The following SMAD9 variants were observed in gnomAD, a reference collection of about 807,000 sequenced individuals.
SMAD9 encodes MAD homolog 9.
Under a neutral mutation model 46.1 loss-of-function variants are expected in SMAD9, and 36 were observed. The observed-to-expected ratio is 0.78, with a 90% CI of 0.60 to 1.03. The LOEUF (loss-of-function observed/expected upper bound fraction) is 1.03, where lower values mean the gene tolerates loss of function less well. Ranked by LOEUF, SMAD9 falls within the 50% of genes least tolerant of loss-of-function variation. The pLI is 0.00. For missense variants in SMAD9, 572 were observed against 599.8 expected (o/e 0.95, Z 0.48); for synonymous variants, 245 against 237.1 (o/e 1.03, Z -0.31).
intron 5 of SMAD9, among the ~76,000 whole-genome samples, chr13:36,857,685 C>T (rs2058140040): frequency 6.6e-6 from 1 of 152,036 alleles, no homozygotes; most frequent in Non-Finnish European, 1.5e-5. Flanking sequence ...ATCTCTGGAA[C>T]CTACTAACAG....
chr13:36,875,370 T>C (rs987623323), intron 2 of SMAD9, among the ~76,000 whole-genome samples: 1 of 152,030 alleles, frequency 6.6e-6, no homozygotes, highest in African/African-American at 2.4e-5. Flanking sequence ...CTAAGAAGGG[T>C]AAATAAAAGG....
chr13:36,915,755 C>G (rs139111870), intron 1 of SMAD9, among the ~76,000 whole-genome samples: 1 of 152,260 alleles, frequency 6.6e-6, no homozygotes, highest in East Asian at 1.9e-4. Flanking sequence ...GTGTTACAAC[C>G]GTGTGCACAC....
rs188497505 is a variant in SMAD9, at chr13:36,898,706, C to G, written c.-186-18831G>C. 1.8e-3 allele frequency among the ~76,000 whole-genome samples: 271 copies of G among 152,300 alleles called. 4 individuals carry two copies. Among genetic ancestry groups the G allele is most frequent in the Non-Finnish European group, 1.8e-3 (121 of 68,002 alleles). ...GCAGAAAAAAACATTTGACACTATT[C>G]AATACCCATTCATGAGTTTTAAAAA... On this transcript the variant is annotated intron_variant, in intron 1 of 6. Coordinates refer to ENST00000379826, the MANE Select transcript of SMAD9 (RefSeq NM_001127217.3).
At position 36,919,411 on chromosome 13, in the gene SMAD9, G is replaced by A. The variant is rs1033229763; in HGVS notation, c.-187+705C>T. Reference sequence around the variant, plus strand: ...AGGAAAAGACAAACACCCCGGCTCCGACACAGTCCAAGCGCGAGCCCGGAG... The same window carrying A: ...AGGAAAAGACAAACACCCCGGCTCCAACACAGTCCAAGCGCGAGCCCGGAG... On this transcript the variant is annotated intron_variant, in intron 1 of 6. Coordinates refer to ENST00000379826, the MANE Select transcript of SMAD9 (RefSeq NM_001127217.3). Among the ~76,000 whole-genome samples the A allele has an allele frequency of 3.9e-5, 6 of 152,156 alleles. No homozygotes were observed. The East Asian group carries it at 5.8e-4, about 15-fold the overall frequency.
chr13:36,909,120 G>T (rs1410834988), intron 1 of SMAD9, among the ~76,000 whole-genome samples: 1 of 152,132 alleles, frequency 6.6e-6, no homozygotes, highest in Non-Finnish European at 1.5e-5. Context: ...TTTCAACGGA[G>T]ATTTTGAATT....
intron 1 of SMAD9, among the ~76,000 whole-genome samples, chr13:36,895,242 G>T (rs372739977): frequency 6.6e-6 from 1 of 152,050 alleles, no homozygotes; most frequent in Non-Finnish European, 1.5e-5. Context: ...GCTGTGATGT[G>T]GATATACCTA....
In SMAD9 at chr13:36,846,872, C is replaced by G. The variant is rs2058041547; in HGVS notation, c.*1804G>C. The G allele has an allele frequency of 1.3e-5, 2 of 152,152 alleles. No individual in the cohort carries two copies. The highest frequency in any genetic ancestry group is 4.8e-5 in the African/African-American group (2 of 41,424). 9.4% of individuals were successfully genotyped at this position (152,152 alleles called of 1,614,324 possible). On this transcript the variant is annotated 3_prime_UTR_variant, in exon 7 of 7. Transcript: ENST00000379826. ...GTTCTGAAACATGAAGATGTCTGTA[C>G]AAACAGATTCACTATTAGGTTCTCG...
chr13:36,897,206 A>T (rs2058536136), intron 1 of SMAD9, among the ~76,000 whole-genome samples: 1 of 152,214 alleles, frequency 6.6e-6, no homozygotes, highest in East Asian at 1.9e-4. Flanking sequence ...ATCTCATCTG[A>T]CCATCACCCA....
chr13:36,912,246 T>C (rs1047621299), intron 1 of SMAD9, among the ~76,000 whole-genome samples: 1 of 152,222 alleles, frequency 6.6e-6, no homozygotes, highest in Non-Finnish European at 1.5e-5. Context: ...CCAAATTCCT[T>C]GCCCTTCCTT....
intron 1 of SMAD9, among the ~76,000 whole-genome samples, chr13:36,887,751 G>A (rs1205864281): frequency 6.6e-6 from 1 of 152,154 alleles, no homozygotes; most frequent in Non-Finnish European, 1.5e-5. Flanking sequence ...AGAGATGCAT[G>A]TGGCAAAAGA....
chr13:36,911,671 G>A (rs1021698530), intron 1 of SMAD9, among the ~76,000 whole-genome samples: 13 of 150,492 alleles, frequency 8.6e-5, no homozygotes, highest in Non-Finnish European at 1.9e-4. Flanking sequence ...CAAATAAGCC[G>A]TGTTATGAAC....
At chr13:36,900,342 G>A (rs529123302) in intron 1 of SMAD9, among the ~76,000 whole-genome samples, 29 of 152,058 alleles carry the variant, frequency 1.9e-4, no homozygotes, top group Admixed American at 6.5e-4. Context: ...GTGCCGTGGC[G>A]TGATCTCTGC....
At chr13:36,895,794 G>C (rs1462552371) in intron 1 of SMAD9, among the ~76,000 whole-genome samples, 2 of 152,116 alleles carry the variant, frequency 1.3e-5, no homozygotes, top group Non-Finnish European at 1.5e-5. Context: ...ACCCAGTGAA[G>C]TTACTCAGGT....
At chr13:36,895,139 C>T (rs374897943) in intron 1 of SMAD9, among the ~76,000 whole-genome samples, 1 of 152,166 alleles carries the variant, frequency 6.6e-6, no homozygotes, top group Non-Finnish European at 1.5e-5. Flanking sequence ...CTCAAATCTA[C>T]ATCTTCCTCA....
Position 36,879,781 on chromosome 13 carries a change from G to A in SMAD9, c.-92C>T. ...AGTAGCTCTCCAGGGGTGGCATAGG[G>A]ACCAACCCGCCCGTTCTTCTGGGAG... On this transcript the variant is annotated 5_prime_UTR_variant, in exon 2 of 7. Coordinates refer to ENST00000379826, the MANE Select transcript of SMAD9 (RefSeq NM_001127217.3). The A allele has an allele frequency of 3.6e-5, 50 of 1,407,744 alleles. No homozygotes were observed. Among genetic ancestry groups the A allele is most frequent in the Non-Finnish European group, 5.0e-5 (50 of 1,007,096 alleles). 87.2% of individuals were successfully genotyped at this position (1,407,744 alleles called of 1,614,324 possible). A position where few individuals can be genotyped will look rare whatever the true frequency, so the allele number is the denominator to read the frequency against.
intron 1 of SMAD9, among the ~76,000 whole-genome samples, chr13:36,896,983 A>G (rs2058534010): frequency 6.6e-6 from 1 of 152,188 alleles, no homozygotes; most frequent in South Asian, 2.1e-4. Context: ...ATTTGAAAAA[A>G]AAAACAGATT....
intron 2 of SMAD9, among the ~76,000 whole-genome samples, 191 bp downstream of exon 2, chr13:36,879,087 T>G (rs2058374660): frequency 6.6e-6 from 1 of 152,166 alleles, no homozygotes; most frequent in African/African-American, 2.4e-5. Flanking sequence ...GAACTTTCTT[T>G]GATTGGACAG....
chr13:36,915,783 TAATA>T (rs2058694160), intron 1 of SMAD9, among the ~76,000 whole-genome samples: 1 of 152,210 alleles, frequency 6.6e-6, no homozygotes, highest in Non-Finnish European at 1.5e-5. Context: ...CAATCCACCT[TAATA>T]TTTATGCCTT....
chr13:36,848,606 A>G lies in SMAD9; in HGVS notation c.*70T>C. ...ATGTTTTTAGAAACTTCAGTTGCAA[A>G]TCTGAAATGATACAAGCCACTCCCT... On this transcript the variant is annotated 3_prime_UTR_variant, in exon 7 of 7. Transcript: ENST00000379826. The G allele has an allele frequency of 1.4e-6, 2 of 1,446,822 alleles. No individual in the cohort carries two copies. Among genetic ancestry groups the G allele is most frequent in the Non-Finnish European group, 1.9e-6 (2 of 1,028,016 alleles). The allele number at this position is 1,446,822 out of a possible 1,614,324, so 89.6% of individuals were successfully genotyped here. A position where few individuals can be genotyped will look rare whatever the true frequency, so the allele number is the denominator to read the frequency against.
Sources: allele counts gnomAD v4.1 joint callset (sites outside exome capture counted in the v4.1 genomes callset), GRCh38; gene constraint gnomAD v4.1.1; transcripts MANE v1.5; gene names NCBI Gene and HGNC (gene_info 2026-07-23, HGNC 2026-07-21).